RALGAPA1: variants seen among roughly 807,000 people sequenced by gnomAD.
The protein encoded by RALGAPA1 is Ral GTPase activating protein catalytic subunit alpha 1.
In RALGAPA1, 52 loss-of-function variants were observed where a neutral mutation model predicts 269.6. That is an observed-to-expected ratio of 0.19 (90% CI 0.15 to 0.24). The LOEUF (loss-of-function observed/expected upper bound fraction) is 0.24. Among genes scored for constraint, RALGAPA1 ranks in the 10% least tolerant of loss-of-function variants. RALGAPA1 has a pLI of 1.00. For missense variants in RALGAPA1, 1,917 were observed against 3,013.9 expected, an observed-to-expected ratio of 0.64 and a Z score of 8.52; for synonymous variants, 817 against 1,008.3, an observed-to-expected ratio of 0.81 and a Z score of 3.60.
At chr14:35,561,122 G>A (rs1425288840) in intron 39 of RALGAPA1, among the ~76,000 whole-genome samples, 1 of 150,738 alleles carries the variant, frequency 6.6e-6, no homozygotes, top group Non-Finnish European at 1.5e-5. Flanking sequence ...AGCTACTTGG[G>A]AGGCTGAGGC....
At chr14:35,749,526 C>T (rs1467482281) in intron 9 of RALGAPA1, among the ~76,000 whole-genome samples, 2 of 152,034 alleles carry the variant, frequency 1.3e-5, no homozygotes, top group African/African-American at 4.8e-5. Flanking sequence ...AATTTTTGGC[C>T]TCAGTTTTGT....
intron 26 of RALGAPA1, among the ~76,000 whole-genome samples, chr14:35,669,704 T>C (rs957071249): frequency 6.6e-6 from 1 of 152,234 alleles, no homozygotes; most frequent in Non-Finnish European, 1.5e-5. Flanking sequence ...GCTCCTCCTA[T>C]TGGTATCTAT....
chr14:35,746,732 C>A (rs1046728471), intron 10 of RALGAPA1, among the ~76,000 whole-genome samples: 17 of 151,894 alleles, frequency 1.1e-4, no homozygotes, highest in African/African-American at 4.1e-4. Context: ...CACACCAACA[C>A]AAAAAATAGA....
In RALGAPA1 at chr14:35,553,252, T is replaced by A. The variant is rs546243060; in HGVS notation, c.7497-4018A>T. On this transcript the variant is annotated intron_variant, in intron 39 of 41. Coordinates refer to ENST00000680220, the MANE Select transcript of RALGAPA1 (RefSeq NM_001346249.2). ...ATTTTTGATGTCAGTTTAAGAAATA[T>A]ACCTGTATTCATGTGCAAGAACTCT... Among the ~76,000 whole-genome samples, 20 of 152,318 alleles carry A rather than the reference T, an allele frequency of 1.3e-4. No homozygotes were observed. In the East Asian group the frequency reaches 3.9e-3, roughly 29 times the overall value.
intron 21 of RALGAPA1, among the ~76,000 whole-genome samples, chr14:35,680,199 T>C (rs1484840317): frequency 6.6e-6 from 1 of 151,890 alleles, no homozygotes; most frequent in Non-Finnish European, 1.5e-5. Flanking sequence ...AAGAACTAGA[T>C]TTTATTTTAT....
chr14:35,549,245 T>C lies in RALGAPA1; in HGVS notation c.7497-11A>G, dbSNP rs1381086022. 9 of 1,611,592 alleles carry C rather than the reference T, an allele frequency of 5.6e-6. No individual in the cohort carries two copies. The highest frequency in any genetic ancestry group is 1.7e-4 in the Middle Eastern group (1 of 6,036). On this transcript the variant is annotated splice_polypyrimidine_tract_variant and intron_variant, in intron 39 of 41. Transcript: ENST00000680220. ...GCTCTCTCCTCATAGCTGATTTCCTTTGGTTAAGGATAAACTTAAGTGCAG... is the reference window on the plus strand; with the variant it reads ...GCTCTCTCCTCATAGCTGATTTCCTCTGGTTAAGGATAAACTTAAGTGCAG...
chr14:35,655,903 A>G lies in RALGAPA1; in HGVS notation c.5400T>C (p.Leu1800=), dbSNP rs775302864. Residue 1800 remains leucine (L), a synonymous_variant, in exon 29 of 42, where the codon CTT becomes CTC. Coordinates refer to ENST00000680220, the MANE Select transcript of RALGAPA1 (RefSeq NM_001346249.2). ...EPSGPARCVA[L]CSLGIWICEE... is the part of the protein sequence containing the mutation. Reference sequence around the variant, plus strand: ...CACAAATCCAAATACCTAAACTACAAAGTGCTACACATCTGCAAAAAAGGC... The same window carrying G: ...CACAAATCCAAATACCTAAACTACAGAGTGCTACACATCTGCAAAAAAGGC... 1.2e-6 allele frequency: 2 copies of G among 1,613,414 alleles called. No individual in the cohort carries two copies. Among genetic ancestry groups the G allele is most frequent in the Non-Finnish European group, 1.7e-6 (2 of 1,179,626 alleles).
Position 35,660,077 on chromosome 14 carries a change from C to T in RALGAPA1, c.5329-881G>A, listed in dbSNP as rs116206280. Among the ~76,000 whole-genome samples the T allele has an allele frequency of 5.1e-3, 782 of 151,968 alleles. 15 individuals are homozygous for T. Among genetic ancestry groups the T allele is most frequent in the Admixed American group, 0.036 (544 of 15,264 alleles). On this transcript the variant is annotated intron_variant, in intron 27 of 41. Coordinates refer to ENST00000680220, the MANE Select transcript of RALGAPA1 (RefSeq NM_001346249.2). Reference sequence around the variant, plus strand: ...CCATAGATAACATCATAATCAACAGCGAAAAGCTGAAAGGTTTTACTTTAA... The same window carrying T: ...CCATAGATAACATCATAATCAACAGTGAAAAGCTGAAAGGTTTTACTTTAA...
chr14:35,679,545 A>C (rs75308477), intron 21 of RALGAPA1, among the ~76,000 whole-genome samples: 3,427 of 152,304 alleles, frequency 0.023, 125 homozygotes, highest in South Asian at 0.14. Context: ...AGTATTGACT[A>C]TCTCATGTAA....
intron 3 of RALGAPA1, among the ~76,000 whole-genome samples, chr14:35,772,895 A>G (rs939589601): frequency 1.3e-5 from 2 of 152,190 alleles, no homozygotes; most frequent in African/African-American, 4.8e-5. Flanking sequence ...CGTTGATATC[A>G]TCTTCTTTAG....
intron 1 of RALGAPA1, among the ~76,000 whole-genome samples, chr14:35,781,408 T>C (rs1447280202): frequency 6.6e-6 from 1 of 152,206 alleles, no homozygotes; most frequent in African/African-American, 2.4e-5. Flanking sequence ...AAATGGCTTA[T>C]GGGTGAATCC....
chr14:35,781,188 AC>A (rs2075399858), intron 1 of RALGAPA1, among the ~76,000 whole-genome samples: 1 of 152,246 alleles, frequency 6.6e-6, no homozygotes, highest in East Asian at 1.9e-4. Context: ...ATTACTACTA[AC>A]CCTACAGAAA....
At chr14:35,661,134 C>T (rs2063513981) in intron 27 of RALGAPA1, among the ~76,000 whole-genome samples, 1 of 151,948 alleles carries the variant, frequency 6.6e-6, no homozygotes, top group African/African-American at 2.4e-5. Context: ...TCTTTTACTC[C>T]CTCTCACCAA....
chr14:35,756,871 G>T lies in RALGAPA1; in HGVS notation c.585C>A (p.Pro195=), dbSNP rs2073219722. ...CTTGCCCTTTATCTCCTGATTGTGG[G>T]GGGACAAGAGGAGTGATTTCTTCTA... is the stretch of plus-strand genomic sequence containing the variant. ...VTIEEITPLV[P]PQSGDKGQED... The change falls in exon 7 of 42, where the codon CCC becomes CCA. Residue 195 remains proline (P), a synonymous_variant. Transcript: ENST00000680220. 1.2e-6 allele frequency: 2 copies of T among 1,610,818 alleles called. No homozygotes were observed. Among genetic ancestry groups the T allele is most frequent in the Non-Finnish European group, 8.5e-7 (1 of 1,178,492 alleles).
Position 35,570,731 on chromosome 14 carries a change from C to A in RALGAPA1, c.7382G>T (p.Gly2461Val). ...IMKKPEVPFF[G>V]PLFDGAIVNG... is the part of the protein sequence containing the mutation. ...CACAATAGCACCATCAAAAAGGGGA[C>A]CAAAGAAGGGAACCTGATTGAGAAA... Residue 2461 changes from glycine to valine, a missense_variant, in exon 39 of 42, where the codon GGT becomes GTT. By Grantham distance (109) the Gly-to-Val change is moderately radical (BLOSUM62 -3). This residue lies in a region of RALGAPA1 where 91 missense variants were observed against 130.9 expected (regional missense o/e 0.70). Coordinates refer to ENST00000680220, the MANE Select transcript of RALGAPA1 (RefSeq NM_001346249.2). 1.3e-6 allele frequency: 2 copies of A among 1,593,500 alleles called. No individual in the cohort carries two copies. The highest frequency in any genetic ancestry group is 1.8e-5 in the Admixed American group (1 of 56,426).
At chr14:35,624,084 C>T (rs2060827841) in intron 35 of RALGAPA1, among the ~76,000 whole-genome samples, 1 of 128,076 alleles carries the variant, frequency 7.8e-6, no homozygotes, top group African/African-American at 3.0e-5. Flanking sequence ...AAGACTCCAT[C>T]TCAAAAAAAA....
In RALGAPA1 at chr14:35,775,924, C is replaced by T. The variant is rs374448424; in HGVS notation, c.107-179G>A. ...TCGTTCTTAAAACTTTAGTCTTTGC[C>T]GATTTTAGTTTTAATTTTAAAAACT... On this transcript the variant is annotated intron_variant, in intron 1 of 41. Coordinates refer to ENST00000680220, the MANE Select transcript of RALGAPA1 (RefSeq NM_001346249.2). Among the ~76,000 whole-genome samples, 17 of 152,022 alleles carry T rather than the reference C, an allele frequency of 1.1e-4. No homozygotes were observed. The East Asian group carries it at 2.7e-3, about 24-fold the overall frequency.
At chr14:35,555,498 AAGAAT>A (rs2055516854) in intron 39 of RALGAPA1, among the ~76,000 whole-genome samples, 1 of 152,240 alleles carries the variant, frequency 6.6e-6, no homozygotes, top group Non-Finnish European at 1.5e-5. Context: ...TGTATACCAT[AAGAAT>A]AGAAGTAATA....
chr14:35,670,235 T>C (rs2064289417), intron 26 of RALGAPA1, among the ~76,000 whole-genome samples: 1 of 152,202 alleles, frequency 6.6e-6, no homozygotes, highest in South Asian at 2.1e-4. Flanking sequence ...TAGAACTCCT[T>C]CTATTCACTA....
Sources: allele counts gnomAD v4.1 joint callset (sites outside exome capture counted in the v4.1 genomes callset), GRCh38; gene constraint gnomAD v4.1.1; regional missense constraint gnomAD v4.1.1; transcripts MANE v1.5; gene names NCBI Gene and HGNC (gene_info 2026-07-23, HGNC 2026-07-21).